Variants in DLC1 observed in about 807,000 individuals in gnomAD.
The protein encoded by DLC1 is DLC1 Rho GTPase activating protein.
A neutral mutation model predicts 140.3 loss-of-function variants in DLC1; 54 were observed. The observed-to-expected ratio is 0.38, with a 90% CI of 0.31 to 0.48. DLC1 has a LOEUF of 0.48. Ranked by LOEUF, DLC1 falls within the 20% of genes least tolerant of loss-of-function variation. DLC1 has a pLI of 0.96. For missense variants in DLC1, 2,536 were observed against 1,907.0 expected, an observed-to-expected ratio of 1.33 and a Z score of -6.14; for synonymous variants, 986 against 728.1, an observed-to-expected ratio of 1.35 and a Z score of -5.70.
intron 5 of DLC1, among the ~76,000 whole-genome samples, chr8:13,275,574 A>G (rs1831128014): frequency 1.3e-5 from 2 of 150,962 alleles, no homozygotes; most frequent in Non-Finnish European, 3.0e-5. Flanking sequence ...TTTTATCCCA[A>G]CGCAAAAATC....
At chr8:13,566,862 C>A in intron 1 of DLC1, 1 of 1,232,262 alleles carries the variant, frequency 8.1e-7, no homozygotes, top group Middle Eastern at 2.9e-4. Context: ...GGGAAGGCGT[C>A]TCCCGGAAGA....
At chr8:13,112,341 G>C (rs1006941658) in intron 6 of DLC1, among the ~76,000 whole-genome samples, 1 of 152,054 alleles carries the variant, frequency 6.6e-6, no homozygotes, top group Non-Finnish European at 1.5e-5. Context: ...GAATGATATG[G>C]AATTTCTTAT....
At chr8:13,236,685 A>G (rs1450541839) in intron 5 of DLC1, among the ~76,000 whole-genome samples, 1 of 152,154 alleles carries the variant, frequency 6.6e-6, no homozygotes, top group Non-Finnish European at 1.5e-5. Flanking sequence ...ATGGTCCAAA[A>G]AAATAAATTA....
At chr8:13,402,142 A>G (rs1224494104) in intron 2 of DLC1, among the ~76,000 whole-genome samples, 1 of 152,200 alleles carries the variant, frequency 6.6e-6, no homozygotes, top group Non-Finnish European at 1.5e-5. Flanking sequence ...AGCCACTGCT[A>G]CTTAAAGATA....
intron 1 of DLC1, among the ~76,000 whole-genome samples, chr8:13,586,232 G>C (rs1424573212): frequency 6.6e-6 from 1 of 152,122 alleles, no homozygotes; most frequent in Non-Finnish European, 1.5e-5. Context: ...CTTGAGGCAG[G>C]AAGGGCAATT....
At chr8:13,247,397 G>A (rs1367582556) in intron 5 of DLC1, among the ~76,000 whole-genome samples, 1 of 152,198 alleles carries the variant, frequency 6.6e-6, no homozygotes. Context: ...TGCAATTATG[G>A]TAGTTGTTAA....
chr8:13,489,531 A>G (rs550526026), intron 2 of DLC1, among the ~76,000 whole-genome samples: 3 of 151,948 alleles, frequency 2.0e-5, no homozygotes, highest in African/African-American at 7.2e-5. Flanking sequence ...CTTTGTATAT[A>G]TTAACTCATT....
intron 4 of DLC1, among the ~76,000 whole-genome samples, chr8:13,392,388 A>C (rs183777177): frequency 6.6e-6 from 1 of 152,346 alleles, no homozygotes; most frequent in East Asian, 1.9e-4. Flanking sequence ...TAAATAACAC[A>C]GGGAACATAA....
intron 5 of DLC1, among the ~76,000 whole-genome samples, chr8:13,150,237 T>A (rs542413012): frequency 6.6e-6 from 1 of 152,358 alleles, no homozygotes; most frequent in South Asian, 2.1e-4. Flanking sequence ...TAATGCCCTT[T>A]TTTTATAAGA....
chr8:13,301,205 G>A (rs1217042033), intron 5 of DLC1, among the ~76,000 whole-genome samples: 1 of 149,384 alleles, frequency 6.7e-6, no homozygotes. Flanking sequence ...TTCCAAGAGA[G>A]AATTTCAGTC....
At chr8:13,444,663 T>G (rs1798697175) in intron 2 of DLC1, among the ~76,000 whole-genome samples, 1 of 152,232 alleles carries the variant, frequency 6.6e-6, no homozygotes, top group Non-Finnish European at 1.5e-5. Flanking sequence ...TTCCCAAATT[T>G]ATCTTGACAC....
At chr8:13,236,302 C>T (rs1176520732) in intron 5 of DLC1, among the ~76,000 whole-genome samples, 1 of 152,010 alleles carries the variant, frequency 6.6e-6, no homozygotes, top group East Asian at 1.9e-4. Flanking sequence ...TATTTATCAA[C>T]TTATTTCTTT....
intron 2 of DLC1, among the ~76,000 whole-genome samples, chr8:13,485,430 A>G (rs1363632955): frequency 6.6e-6 from 1 of 152,166 alleles, no homozygotes; most frequent in Admixed American, 6.6e-5. Context: ...TGCTGTCTCA[A>G]GTGACCTTAT....
chr8:13,356,857 T>C (rs1834963647), intron 4 of DLC1, among the ~76,000 whole-genome samples: 1 of 151,558 alleles, frequency 6.6e-6, no homozygotes, highest in African/African-American at 2.4e-5. Context: ...TTTTTTATTT[T>C]TTATTATTTA....
intron 1 of DLC1, chr8:13,559,226 G>A (rs1585273774): frequency 6.6e-6 from 1 of 152,354 alleles, no homozygotes; most frequent in South Asian, 2.1e-4. Context: ...ATGGCAGCAT[G>A]CAGCAAAAGC....
At chr8:13,472,653 T>C (rs995958301) in intron 2 of DLC1, among the ~76,000 whole-genome samples, 35 of 152,204 alleles carry the variant, frequency 2.3e-4, no homozygotes, top group Non-Finnish European at 2.5e-4. Context: ...TGGCAGGGAA[T>C]GCTAGTGTCT....
intron 2 of DLC1, among the ~76,000 whole-genome samples, chr8:13,460,285 C>CAA (rs1197728216): frequency 6.6e-6 from 1 of 152,322 alleles, no homozygotes; most frequent in African/African-American, 2.4e-5. Context: ...CCTCTGCATA[C>CAA]AAATTTTCAT....
At chr8:13,329,718 T>C (rs551129498) in intron 4 of DLC1, among the ~76,000 whole-genome samples, 13 of 152,206 alleles carry the variant, frequency 8.5e-5, no homozygotes, top group Non-Finnish European at 1.9e-4. Context: ...CATATTCTTA[T>C]ATATACATTA....
chr8:13,092,761 G>C lies in DLC1; in HGVS notation c.3591C>G (p.Asn1197Lys). ...KAAIMLLPDE[N>K]REVLQTLLYF... ...AAAGCAGGGTCTGCAGAACCTCCCG[G>C]TTCTCGTCAGGCAGCAGCATGATGG... The change falls in exon 13 of 18, where the codon AAC (asparagine) becomes AAG (lysine). Residue 1197 changes from asparagine (N) to lysine (K), a missense_variant. Coordinates refer to ENST00000276297, the MANE Select transcript of DLC1 (RefSeq NM_182643.3). The C allele has an allele frequency of 5.6e-6, 9 of 1,614,142 alleles. No homozygotes were observed. Among genetic ancestry groups the C allele is most frequent in the Non-Finnish European group, 7.6e-6 (9 of 1,180,022 alleles).
Sources: allele counts gnomAD v4.1 joint callset (sites outside exome capture counted in the v4.1 genomes callset), GRCh38; gene constraint gnomAD v4.1.1; transcripts MANE v1.5; gene names NCBI Gene and HGNC (gene_info 2026-07-23, HGNC 2026-07-21).